ZFHX3: variants seen among roughly 807,000 people sequenced by gnomAD.
ZFHX3 encodes zinc finger homeobox protein 3.
In ZFHX3, 42 loss-of-function variants were observed where a neutral mutation model predicts 279.1. The ratio of observed to expected loss-of-function variants is 0.15; its 90% CI spans 0.12 to 0.19. The LOEUF (loss-of-function observed/expected upper bound fraction) is 0.19, where lower values mean the gene tolerates loss of function less well. ZFHX3 is among the 10% of genes least tolerant of loss of function. The pLI is 1.00. For missense variants in ZFHX3, 4,981 were observed against 4,754.0 expected, an observed-to-expected ratio of 1.05 and a Z score of -1.40; for synonymous variants, 2,293 against 1,957.8, an observed-to-expected ratio of 1.17 and a Z score of -4.52.
chr16:73,200,398 T>C (rs1383885901), intron 5 of ZFHX3, among the ~76,000 whole-genome samples: 2 of 152,190 alleles, frequency 1.3e-5, no homozygotes, highest in Non-Finnish European at 2.9e-5. Context: ...GGTGAGAATG[T>C]GATTTATACA....
intron 3 of ZFHX3, among the ~76,000 whole-genome samples, chr16:73,357,114 G>A (rs9923827): frequency 0.018 from 2,792 of 151,832 alleles, 70 homozygotes; most frequent in African/African-American, 0.055. Context: ...CTCTACTAGT[G>A]TTTCACCTTC....
At chr16:73,318,902 G>C (rs571798713) in intron 3 of ZFHX3, among the ~76,000 whole-genome samples, 1 of 152,306 alleles carries the variant, frequency 6.6e-6, no homozygotes, top group East Asian at 1.9e-4. Flanking sequence ...TATGCTATTT[G>C]AAGCTTGTTT....
At chr16:73,416,726 T>A in intron 3 of ZFHX3, among the ~76,000 whole-genome samples, 1 of 150,452 alleles carries the variant, frequency 6.6e-6, no homozygotes, top group Non-Finnish European at 1.5e-5. Flanking sequence ...TACAAAAAAT[T>A]AGCCGGGTGC....
intron 1 of ZFHX3, among the ~76,000 whole-genome samples, chr16:73,023,258 T>TA (rs1250281284): frequency 2.6e-5 from 4 of 152,110 alleles, no homozygotes; most frequent in African/African-American, 9.7e-5. Context: ...TAAAATATAG[T>TA]ATTTGCTGAA....
chr16:72,993,844 T>A (rs548094952), intron 1 of ZFHX3, among the ~76,000 whole-genome samples: 59 of 152,218 alleles, frequency 3.9e-4, no homozygotes, highest in African/African-American at 1.3e-3. Flanking sequence ...CAAACTTCAT[T>A]TCCTCTGCCA....
chr16:73,019,324 G>A (rs1397712058), intron 1 of ZFHX3, among the ~76,000 whole-genome samples: 2 of 116,570 alleles, frequency 1.7e-5, no homozygotes, highest in Non-Finnish European at 3.6e-5. Context: ...CCACCAGCGT[G>A]TGCGTGTGTG....
chr16:72,913,369 C>G (rs1471939728), intron 3 of ZFHX3, among the ~76,000 whole-genome samples: 1 of 152,186 alleles, frequency 6.6e-6, no homozygotes, highest in East Asian at 1.9e-4. Flanking sequence ...TTTCCTTGTC[C>G]TGAAAGACCT....
At chr16:72,906,956 G>A (rs895092449) in intron 3 of ZFHX3, among the ~76,000 whole-genome samples, 1 of 152,186 alleles carries the variant, frequency 6.6e-6, no homozygotes, top group African/African-American at 2.4e-5. Context: ...CATCACGCAT[G>A]CTACAAGTTT....
chr16:73,225,248 T>C (rs1018233050), intron 5 of ZFHX3, among the ~76,000 whole-genome samples: 1 of 152,180 alleles, frequency 6.6e-6, no homozygotes, highest in Admixed American at 6.5e-5. Context: ...AATATGACTG[T>C]CTACAATAGA....
At chr16:73,244,748 A>T (rs2144947834) in intron 5 of ZFHX3, among the ~76,000 whole-genome samples, 1 of 152,304 alleles carries the variant, frequency 6.6e-6, no homozygotes, top group African/African-American at 2.4e-5. Flanking sequence ...GAAGGACAGG[A>T]GAGACTGCCT....
chr16:72,796,977 T>C lies in ZFHX3; in HGVS notation c.5705A>G (p.Asn1902Ser). The C allele has an allele frequency of 6.2e-7, 1 of 1,613,992 alleles. No homozygotes were observed. Among genetic ancestry groups the C allele is most frequent in the East Asian group, 2.2e-5 (1 of 44,838 alleles). The change falls in exon 9 of 10, where the codon AAC becomes AGC. Residue 1902 changes from asparagine to serine, a missense_variant. This residue lies in a region of ZFHX3 where 1,751 missense variants were observed against 1,770.0 expected (regional missense o/e 0.99). Coordinates refer to ENST00000268489, the MANE Select transcript of ZFHX3 (RefSeq NM_006885.4). Reference protein sequence around the residue: ...ERDSAEGGEGNTGPKETLPDA... With the variant: ...ERDSAEGGEGSTGPKETLPDA... ...TGGCAGTGTTTCCTTCGGACCGGTG[T>C]TGCCCTCTCCCCCCTCGGCGCTGTC...
At chr16:73,721,367 C>T (rs1248542633) in intron 1 of ZFHX3, among the ~76,000 whole-genome samples, 3 of 152,160 alleles carry the variant, frequency 2.0e-5, no homozygotes, top group Non-Finnish European at 4.4e-5. Context: ...GGTGATCTGC[C>T]CACCTTGGCC....
intron 1 of ZFHX3, 36 bp from the exon 2 acceptor site, chr16:72,960,230 GGGGAAAGAGAGAGAGAA>G (rs1961509224): frequency 6.8e-7 from 1 of 1,464,010 alleles, no homozygotes; most frequent in East Asian, 2.3e-5. Flanking sequence ...GAGGGAGAGA[GGGGAAAGAGAGAGAGAA>G]AGGAAAGAGG....
chr16:73,411,353 A>C (rs531152349), intron 3 of ZFHX3, among the ~76,000 whole-genome samples: 1 of 152,368 alleles, frequency 6.6e-6, no homozygotes, highest in Admixed American at 6.5e-5. Context: ...CTGCCCTTTG[A>C]AATATGCACA....
intron 1 of ZFHX3, among the ~76,000 whole-genome samples, chr16:73,784,617 C>T (rs1325473105): frequency 6.6e-6 from 1 of 151,432 alleles, no homozygotes; most frequent in Non-Finnish European, 1.5e-5. Context: ...GGTGGTGGCA[C>T]GTGCCTGTAG....
At chr16:73,379,741 C>A (rs958187789) in intron 3 of ZFHX3, among the ~76,000 whole-genome samples, 8 of 152,132 alleles carry the variant, frequency 5.3e-5, no homozygotes, top group Admixed American at 2.6e-4. Context: ...TAATAAGGGA[C>A]AAAGGGTGGA....
At position 73,367,008 on chromosome 16, in the gene ZFHX3, C is replaced by T. The variant is rs181080318; in HGVS notation, c.-1290-48672G>A. On this transcript the variant is annotated intron_variant, in intron 3 of 17. Transcript: ENST00000641206. ...GGACTTTGCTCTGCAGGATTCAACG[C>T]TGACACACTCATACACACTCACACA... Among the ~76,000 whole-genome samples, 74 of 152,056 alleles carry T rather than the reference C, an allele frequency of 4.9e-4. 1 individual carries two copies. Among genetic ancestry groups the T allele is most frequent in the African/African-American group, 1.7e-3 (70 of 41,368 alleles).
chr16:73,171,093 A>G (rs943321948), intron 5 of ZFHX3, among the ~76,000 whole-genome samples: 3 of 152,146 alleles, frequency 2.0e-5, no homozygotes, highest in Non-Finnish European at 4.4e-5. Flanking sequence ...GACTTCAGCA[A>G]GTTCCAAAGA....
intron 1 of ZFHX3, among the ~76,000 whole-genome samples, chr16:73,867,369 A>G (rs1962051794): frequency 6.6e-6 from 1 of 152,120 alleles, no homozygotes; most frequent in South Asian, 2.1e-4. Flanking sequence ...TCACTCACCC[A>G]TGCACCTAGA....
Sources: gnomAD v4.1 joint callset for allele counts (sites outside exome capture counted in the v4.1 genomes callset) on GRCh38, gnomAD v4.1.1 for gene constraint, gnomAD v4.1.1 regional missense constraint, MANE v1.5 for transcripts, NCBI Gene and HGNC (gene_info 2026-07-23, HGNC 2026-07-21) for gene names.